The following GGACT variants were observed in gnomAD, a reference collection of about 807,000 sequenced individuals.
GGACT encodes the protein gamma-glutamylamine cyclotransferase.
For synonymous variants in GGACT, 118 were observed against 115.3 expected, an observed-to-expected ratio of 1.02 and a Z score of -0.15; for missense variants, 241 against 233.2, an observed-to-expected ratio of 1.03 and a Z score of -0.22.
In GGACT at chr13:100,534,384, GA is replaced by G. The variant is rs936274849; in HGVS notation, c.-10-1784del. Among the ~76,000 whole-genome samples, 1 of 152,172 alleles carries G rather than the reference GA, an allele frequency of 6.6e-6. No homozygotes were observed. Among genetic ancestry groups the G allele is most frequent in the African/African-American group, 2.4e-5 (1 of 41,440 alleles). On this transcript the variant is annotated intron_variant, in intron 2 of 2. Transcript: ENST00000683975. The surrounding 1 kb of genome is among the most constrained non-coding windows in gnomAD (Gnocchi z 4.9). Reference sequence around the variant, plus strand: ...GGGCATGCTGGGATAGGAAAGTTGAGATGTGAATTAAGGAGAACCTGGGGTA... The same window carrying G: ...GGGCATGCTGGGATAGGAAAGTTGAGTGTGAATTAAGGAGAACCTGGGGTA...
At chr13:100,569,239 G>A (rs1268402765) in intron 2 of GGACT, among the ~76,000 whole-genome samples, 1 of 152,262 alleles carries the variant, frequency 6.6e-6, no homozygotes, top group Non-Finnish European at 1.5e-5. Flanking sequence ...CTTCTGCACT[G>A]CCCTAGCAGA....
rs147015307 is a variant in GGACT at position 100,539,634 on chromosome 13, T to G, written c.-10-7033A>C. The G allele has an allele frequency of 2.1e-3, 1,024 of 484,228 alleles. 3 individuals are homozygous for G. Among genetic ancestry groups the G allele is most frequent in the Non-Finnish European group, 3.2e-3 (876 of 277,618 alleles). The allele number at this position is 484,228 out of a possible 1,614,324, so 30.0% of individuals were successfully genotyped here. A position where few individuals can be genotyped will look rare whatever the true frequency, so the allele number is the denominator to read the frequency against. ...GTGTTGTTTAGGATTTTGGCATCGA[T>G]CTTCATCAAGAATATTAGTCTGTAG... is the stretch of plus-strand genomic sequence containing the variant. On this transcript the variant is annotated intron_variant, in intron 2 of 2. Transcript: ENST00000683975.
intron 2 of GGACT, among the ~76,000 whole-genome samples, chr13:100,562,226 G>A (rs779303901): frequency 1.3e-5 from 2 of 152,080 alleles, no homozygotes; most frequent in Non-Finnish European, 2.9e-5. Flanking sequence ...TGTGGACCCC[G>A]ACAGAAACTA....
intron 2 of GGACT, among the ~76,000 whole-genome samples, chr13:100,544,128 A>G (rs2088581891): frequency 6.6e-6 from 1 of 152,074 alleles, no homozygotes; most frequent in South Asian, 2.1e-4. Flanking sequence ...ACTTTATGGA[A>G]ACCTTCTTGT....
chr13:100,586,913 T>C (rs1315801608), intron 1 of GGACT: 3 of 152,270 alleles, frequency 2.0e-5, no homozygotes, highest in Admixed American at 2.0e-4. Flanking sequence ...TGAGTAGTTT[T>C]ACTGACAATA....
intron 2 of GGACT, among the ~76,000 whole-genome samples, chr13:100,574,636 A>G (rs1377934061): frequency 6.6e-6 from 1 of 152,124 alleles, no homozygotes; most frequent in Non-Finnish European, 1.5e-5. Flanking sequence ...AACACTGAGC[A>G]CACATGGACA....
At chr13:100,573,021 G>A (rs1875133104) in intron 2 of GGACT, among the ~76,000 whole-genome samples, 1 of 152,080 alleles carries the variant, frequency 6.6e-6, no homozygotes, top group Non-Finnish European at 1.5e-5. Context: ...AAAAAGTTTA[G>A]AAAGTACATT....
At chr13:100,559,113 G>T (rs1164456536) in intron 2 of GGACT, among the ~76,000 whole-genome samples, 2 of 152,148 alleles carry the variant, frequency 1.3e-5, no homozygotes, top group African/African-American at 4.8e-5. Flanking sequence ...CAGCTCTGAT[G>T]ATGGTAAATG....
At chr13:100,542,346 G>A (rs1379806605) in intron 2 of GGACT, among the ~76,000 whole-genome samples, 3 of 152,202 alleles carry the variant, frequency 2.0e-5, no homozygotes, top group African/African-American at 4.8e-5. Flanking sequence ...GGGAGAGCAC[G>A]GTTTGTGCCC....
At chr13:100,576,255 A>T (rs1875244096) in intron 2 of GGACT, among the ~76,000 whole-genome samples, 1 of 152,360 alleles carries the variant, frequency 6.6e-6, no homozygotes, top group Non-Finnish European at 1.5e-5. Context: ...TAACACATCT[A>T]TTAGGATGGC....
In GGACT at chr13:100,542,879, A is replaced by G. The variant is rs548198950; in HGVS notation, c.-10-10278T>C. Among the ~76,000 whole-genome samples, 16 of 152,352 alleles carry G rather than the reference A, an allele frequency of 1.1e-4. No individual in the cohort carries two copies. The East Asian group carries it at 3.1e-3, about 29-fold the overall frequency. ...TGCCTGAAATGCCTGTCACTTATTC[A>G]GCAGTTCTCCTTCTTGAAACGCAGT... is the stretch of plus-strand genomic sequence containing the variant. On this transcript the variant is annotated intron_variant, in intron 2 of 2. Transcript: ENST00000683975.
At chr13:100,557,049 C>T (rs2088715227) in intron 2 of GGACT, among the ~76,000 whole-genome samples, 5 of 152,128 alleles carry the variant, frequency 3.3e-5, no homozygotes, top group Admixed American at 3.3e-4. Flanking sequence ...ACCACCACGC[C>T]TGGTAATGTT....
chr13:100,577,308 C>T (rs1207832744), intron 2 of GGACT, among the ~76,000 whole-genome samples: 3 of 151,760 alleles, frequency 2.0e-5, no homozygotes, highest in Non-Finnish European at 2.9e-5. Flanking sequence ...CCCAGCTACT[C>T]GGGAGGCTAA....
At chr13:100,533,506 T>G (rs1445648642) in intron 2 of GGACT, 1 of 152,218 alleles carries the variant, frequency 6.6e-6, no homozygotes, top group African/African-American at 2.4e-5. Flanking sequence ...AAATTGCCAA[T>G]AACTATTAAA....
At chr13:100,586,117 T>C (rs780075475) in intron 1 of GGACT, among the ~76,000 whole-genome samples, 62 of 152,168 alleles carry the variant, frequency 4.1e-4, no homozygotes, top group Non-Finnish European at 6.0e-4. Context: ...TTTTAGAAAA[T>C]GTTAAGGAAT....
At chr13:100,575,111 G>C (rs1875210515) in intron 2 of GGACT, among the ~76,000 whole-genome samples, 1 of 152,220 alleles carries the variant, frequency 6.6e-6, no homozygotes, top group Non-Finnish European at 1.5e-5. Context: ...GGAGATTCCA[G>C]TCACAAAATA....
intron 2 of GGACT, among the ~76,000 whole-genome samples, chr13:100,564,338 A>G (rs1008145967): frequency 2.0e-5 from 3 of 151,972 alleles, no homozygotes; most frequent in Admixed American, 6.6e-5. Flanking sequence ...GAGAAGGGGC[A>G]CTCCTTCATT....
At chr13:100,552,130 C>T (rs1263176142) in intron 2 of GGACT, among the ~76,000 whole-genome samples, 2 of 152,198 alleles carry the variant, frequency 1.3e-5, no homozygotes, top group African/African-American at 4.8e-5. Context: ...TGGAAACTTG[C>T]CCTGTGAATT....
intron 2 of GGACT, among the ~76,000 whole-genome samples, chr13:100,572,956 AT>A (rs1875131052): frequency 6.6e-6 from 1 of 152,228 alleles, no homozygotes. Flanking sequence ...ATCTTTTGCT[AT>A]ATAATGGCAT....
Sources: gnomAD v4.1 joint callset for allele counts (sites outside exome capture counted in the v4.1 genomes callset) on GRCh38, gnomAD v4.1.1 for gene constraint, Gnocchi (gnomAD v3.1) non-coding constraint, MANE v1.5 for transcripts, NCBI Gene and HGNC (gene_info 2026-07-23, HGNC 2026-07-21) for gene names.